The following TNNI2 variants were observed in gnomAD, a reference collection of about 807,000 sequenced individuals.
TNNI2 encodes troponin I, fast skeletal muscle.
In TNNI2, 14 loss-of-function variants were observed where a neutral mutation model predicts 26.5. That is an observed-to-expected ratio of 0.53 (90% CI 0.35 to 0.83). The LOEUF (loss-of-function observed/expected upper bound fraction) is 0.83, where lower values mean the gene tolerates loss of function less well. TNNI2 is among the 40% of genes least tolerant of loss of function. The pLI is 0.01. For missense variants in TNNI2, 205 were observed against 248.5 expected, an observed-to-expected ratio of 0.82 and a Z score of 1.18; for synonymous variants, 126 against 97.6, an observed-to-expected ratio of 1.29 and a Z score of -1.71.
chr11:1,840,937 G>C (rs1352621435), intron 6 of TNNI2, 29 bp downstream of exon 6: 1 of 1,605,070 alleles, frequency 6.2e-7, no homozygotes, highest in African/African-American at 1.3e-5. Context: ...CCGGCGGCAG[G>C]CGGGTAGGCG....
rs772954228 is a variant in TNNI2 at position 1,840,247 on chromosome 11, C to T, written c.16-156C>T. 32 of 1,550,214 alleles carry T rather than the reference C, an allele frequency of 2.1e-5. 1 individual carries two copies. In the South Asian group the frequency reaches 3.7e-4, roughly 18 times the overall value. On this transcript the variant is annotated intron_variant, in intron 3 of 7. Transcript: ENST00000381911. Reference sequence around the variant, plus strand: ...CCATGTCCCAGTGCAAGGTCTGGGGCCAGGGAGGCCCAGCCTGCCCATCAT... The same window carrying T: ...CCATGTCCCAGTGCAAGGTCTGGGGTCAGGGAGGCCCAGCCTGCCCATCAT...
chr11:1,840,163 C>T lies in TNNI2; in HGVS notation c.16-240C>T. The stretch of plus-strand genomic sequence containing the variant: ...GCCCCCAACTGGCCCTCCTCTCCCC[C>T]AGCCTCTGGCCTCCCAGCACCATGT... On this transcript the variant is annotated intron_variant, in intron 3 of 7. Coordinates refer to ENST00000381911, the MANE Select transcript of TNNI2 (RefSeq NM_003282.4). 8 of 1,549,232 alleles carry T rather than the reference C, an allele frequency of 5.2e-6. 1 individual carries two copies. Among genetic ancestry groups the T allele is most frequent in the South Asian group, 3.6e-5 (3 of 83,952 alleles).
chr11:1,839,801 C>T (rs751933332), intron 2 of TNNI2, 48 bp from the exon 3 acceptor site: 1 of 1,613,556 alleles, frequency 6.2e-7, no homozygotes, highest in Non-Finnish European at 8.5e-7. Flanking sequence ...ATGGCCCTAA[C>T]CTCTGTCTTC....
At chr11:1,839,807 T>C (rs1847122859) in intron 2 of TNNI2, 42 bp from the exon 3 acceptor site, 1 of 1,613,462 alleles carries the variant, frequency 6.2e-7, no homozygotes, top group African/African-American at 1.3e-5. Context: ...CTAACCTCTG[T>C]CTTCTCTCCC....
At position 1,840,637 on chromosome 11, in the gene TNNI2, G is replaced by A; in HGVS notation, c.167G>A (p.Gly56Asp). 1.2e-6 allele frequency: 2 copies of A among 1,612,828 alleles called. No individual in the cohort carries two copies. The highest frequency in any genetic ancestry group is 2.2e-5 in the South Asian group (2 of 91,088). Residue 56 changes from glycine (G) to aspartate (D), a missense_variant, in exon 5 of 8, where the codon GGC becomes GAC. Physicochemically the swap from Gly to Asp is moderately conservative, Grantham distance 94. Coordinates refer to ENST00000381911, the MANE Select transcript of TNNI2 (RefSeq NM_003282.4). The part of the protein sequence containing the change: ...AEHCPPLHIP[G>D]SMSEVQELCK... Reference sequence around the variant, plus strand: ...CACTGCCCGCCGCTGCATATCCCGGGCTCCATGTCTGAAGTGCAGGTACCA... The same window carrying A: ...CACTGCCCGCCGCTGCATATCCCGGACTCCATGTCTGAAGTGCAGGTACCA...
intron 3 of TNNI2, 76 bp from the exon 4 acceptor site, chr11:1,840,327 C>A (rs1847134261): frequency 1.3e-6 from 2 of 1,554,014 alleles, no homozygotes; most frequent in Non-Finnish European, 1.7e-6. Context: ...CCTGACCTGG[C>A]CAGGGAGCGT....
rs61867133 is a variant in TNNI2, at chr11:1,839,074, G to A, written c.-23+41G>A. Reference sequence around the variant, plus strand: ...GCCCGCCGAGGCCGGGGGACAGGGCGTGGCTCGAGCTGGTTTGAGGGAGGA... The same window carrying A: ...GCCCGCCGAGGCCGGGGGACAGGGCATGGCTCGAGCTGGTTTGAGGGAGGA... On this transcript the variant is annotated intron_variant, in intron 1 of 7. Transcript: ENST00000381911. 21,927 of 152,790 alleles carry A rather than the reference G, an allele frequency of 0.14. 2,005 individuals carry two copies. The highest frequency in any genetic ancestry group is 0.2 in the Admixed American group (3,056 of 15,358). 9.5% of individuals were successfully genotyped at this position (152,790 alleles called of 1,614,324 possible). A position where few individuals can be genotyped will look rare whatever the true frequency, so the allele number is the denominator to read the frequency against.
At chr11:1,839,456 G>A (rs1016078812) in intron 1 of TNNI2, 2 of 575,274 alleles carry the variant, frequency 3.5e-6, no homozygotes, top group Admixed American at 2.8e-5. Context: ...GGCTATGCCT[G>A]GGACATTTTG....
Position 1,840,411 on chromosome 11 carries a change from C to A in TNNI2, c.24C>A (p.Asn8Lys). Residue 8 changes from asparagine (N) to lysine (K), a missense_variant, in exon 4 of 8, where the codon AAC becomes AAA. By Grantham distance (94) the Asn-to-Lys change is moderately conservative (BLOSUM62 0). Coordinates refer to ENST00000381911, the MANE Select transcript of TNNI2 (RefSeq NM_003282.4). ...TGTCCCCTGCCCTGCAGAAGCGGAA[C>A]AGGGCCATCACGGCCCGCAGGCAGC... is the stretch of plus-strand genomic sequence containing the variant. MGDEEKR[N>K]RAITARRQHL... 8 of 1,610,394 alleles carry A rather than the reference C, an allele frequency of 5.0e-6. No homozygotes were observed. The highest frequency in any genetic ancestry group is 5.9e-6 in the Non-Finnish European group (7 of 1,179,384).
At chr11:1,840,001 A>C in intron 3 of TNNI2, 146 bp downstream of exon 3, 4 of 1,273,410 alleles carry the variant, frequency 3.1e-6, no homozygotes, top group African/African-American at 1.5e-5. Flanking sequence ...CCCACCCACC[A>C]AGACGCTGCT....
Position 1,840,993 on chromosome 11 carries a change from C to T in TNNI2, c.277-38C>T, listed in dbSNP as rs541602276. The T allele has an allele frequency of 9.7e-5, 155 of 1,600,796 alleles. No individual in the cohort carries two copies. In the East Asian group the frequency reaches 1.2e-3, roughly 12 times the overall value. ...GGCGGGCCGGGGAGGCCGAGACCAC[C>T]GGGACCTCGGGCTCCCACCCGGCTC... On this transcript the variant is annotated intron_variant, in intron 6 of 7. Transcript: ENST00000381911.
At chr11:1,839,381 G>A (rs1262497231) in intron 1 of TNNI2, 2 of 486,158 alleles carry the variant, frequency 4.1e-6, no homozygotes, top group South Asian at 2.8e-5. Context: ...AAATAACAGC[G>A]TCACTCAGGC....
chr11:1,840,980 A>T, intron 6 of TNNI2, 51 bp from the exon 7 acceptor site: 1 of 1,578,038 alleles, frequency 6.3e-7, no homozygotes, highest in Non-Finnish European at 8.6e-7. Flanking sequence ...CGGGCCGGGG[A>T]GGCCGAGACC....
intron 3 of TNNI2, 25 bp from the exon 4 acceptor site, chr11:1,840,378 C>A: frequency 6.2e-7 from 1 of 1,602,410 alleles, no homozygotes. Context: ...GGCCCTGACT[C>A]GACCCCCTGT....
rs368337704 is a variant in TNNI2, at chr11:1,841,247, C to G, written c.453+40C>G. 9 of 1,601,754 alleles carry G rather than the reference C, an allele frequency of 5.6e-6. No homozygotes were observed. The Admixed American group carries it at 1.5e-4, about 27-fold the overall frequency. The stretch of plus-strand genomic sequence containing the variant: ...GGGAGCACCACCACACCTACCCTGC[C>G]GGGGAAGCACCTCCCACACCTGCCC... On this transcript the variant is annotated intron_variant, in intron 7 of 7. Coordinates refer to ENST00000381911, the MANE Select transcript of TNNI2 (RefSeq NM_003282.4).
Position 1,841,111 on chromosome 11 carries a change from C to T in TNNI2, c.357C>T (p.Ala119=), listed in dbSNP as rs752515525. Residue 119 remains alanine, a synonymous_variant, in exon 7 of 8, where the codon GCC becomes GCT. Transcript: ENST00000381911. The stretch of plus-strand genomic sequence containing the variant: ...CACTGCGGAGGGTGCGCATGTCGGC[C>T]GATGCCATGCTCAAGGCCCTGCTGG... ...RPPLRRVRMS[A]DAMLKALLGS... 56 of 1,613,110 alleles carry T rather than the reference C, an allele frequency of 3.5e-5. No individual in the cohort carries two copies. The highest frequency in any genetic ancestry group is 5.3e-5 in the African/African-American group (4 of 74,922).
chr11:1,839,996 C>A, intron 3 of TNNI2, 141 bp downstream of exon 3: 2 of 1,303,070 alleles, frequency 1.5e-6, no homozygotes, highest in Non-Finnish European at 2.1e-6. Flanking sequence ...CCCCACCCAC[C>A]CACCAAGACG....
intron 1 of TNNI2, 98 bp downstream of exon 1, chr11:1,839,131 G>GA (rs1405325993): frequency 6.5e-6 from 1 of 153,610 alleles, no homozygotes; most frequent in Non-Finnish European, 1.5e-5. Context: ...GGGCCTGGGG[G>GA]ATGCCACCAG....
At chr11:1,840,712 T>G in intron 5 of TNNI2, 56 bp downstream of exon 5, 1 of 1,611,122 alleles carries the variant, frequency 6.2e-7, no homozygotes, top group Non-Finnish European at 8.5e-7. Context: ...GCCTGCTAAC[T>G]CAGTTTCCCC....
Sources: allele counts gnomAD v4.1 joint callset, GRCh38; gene constraint gnomAD v4.1.1; transcripts MANE v1.5; gene names NCBI Gene and HGNC (gene_info 2026-07-23, HGNC 2026-07-21).